APOD: variants seen among roughly 807,000 people sequenced by gnomAD.
APOD encodes apolipoprotein D.
In APOD, 22 loss-of-function variants were observed where a neutral mutation model predicts 20.4. The ratio of observed to expected loss-of-function variants is 1.08; its 90% CI spans 0.77 to 1.54. APOD has a LOEUF of 1.54. APOD is among the 40% of genes most tolerant of loss of function. APOD has a pLI of 0.00. For missense variants in APOD, 223 were observed against 229.6 expected, an observed-to-expected ratio of 0.97 and a Z score of 0.19; for synonymous variants, 97 against 92.4, an observed-to-expected ratio of 1.05 and a Z score of -0.29.
In APOD at chr3:195,579,470, T is replaced by C. The variant is rs1269538474; in HGVS notation, c.-9A>G. On this transcript the variant is annotated 5_prime_UTR_variant, in exon 2 of 5. Coordinates refer to ENST00000343267, the MANE Select transcript of APOD (RefSeq NM_001647.4). Reference sequence around the variant, plus strand: ...AGCAGCAGCATCACCATCTTGGGGCTGGGTGGCTGGAGAAGGGACCTGGAG... The same window carrying C: ...AGCAGCAGCATCACCATCTTGGGGCCGGGTGGCTGGAGAAGGGACCTGGAG... 6.2e-7 allele frequency: 1 copy of C among 1,611,896 alleles called. No homozygotes were observed. The highest frequency in any genetic ancestry group is 8.5e-7 in the Non-Finnish European group (1 of 1,179,986).
At chr3:195,579,612 C>T in intron 1 of APOD, 117 bp from the exon 2 acceptor site, 1 of 1,126,216 alleles carries the variant, frequency 8.9e-7, no homozygotes, top group Non-Finnish European at 1.3e-6. Context: ...CTCTTCTCTC[C>T]CCAGCCCATG....
chr3:195,569,501 T>C (rs1024296190), intron 4 of APOD, among the ~76,000 whole-genome samples: 1 of 152,124 alleles, frequency 6.6e-6, no homozygotes, highest in African/African-American at 2.4e-5. Flanking sequence ...CAAAAATCTG[T>C]CTCCCACCTC....
In APOD at chr3:195,568,807, T is replaced by C. The variant is rs1720101587; in HGVS notation, c.*93A>G. ...TACATGTTCAGGTCAACTTCCTTTG[T>C]CGTGGTTGATTGGTTTGTCTTTATG... On this transcript the variant is annotated 3_prime_UTR_variant, in exon 5 of 5. Coordinates refer to ENST00000343267, the MANE Select transcript of APOD (RefSeq NM_001647.4). 7.3e-6 allele frequency: 6 copies of C among 826,998 alleles called. No individual in the cohort carries two copies. The East Asian group carries it at 1.5e-4, about 21-fold the overall frequency. 51.2% of individuals were successfully genotyped at this position (826,998 alleles called of 1,614,324 possible). A position where few individuals can be genotyped will look rare whatever the true frequency, so the allele number is the denominator to read the frequency against.
intron 2 of APOD, chr3:195,577,178 C>G: frequency 3.0e-6 from 1 of 332,888 alleles, no homozygotes; most frequent in Non-Finnish European, 5.6e-6. Context: ...CAAAGTGAGA[C>G]TCCGTCTCAA....
intron 1 of APOD, among the ~76,000 whole-genome samples, chr3:195,583,426 G>A (rs527581052): frequency 5.3e-5 from 8 of 152,272 alleles, no homozygotes; most frequent in South Asian, 4.1e-4. Context: ...AACAAGACAC[G>A]TATCTCCCAA....
chr3:195,576,439 CA>C (rs1720248741), intron 2 of APOD, among the ~76,000 whole-genome samples: 1 of 152,166 alleles, frequency 6.6e-6, no homozygotes, highest in Non-Finnish European at 1.5e-5. Flanking sequence ...AAATCTAAAA[CA>C]GAGACAAAAC....
rs533967228 is a variant in APOD, at chr3:195,569,239, C to T, written c.335-104G>A. 28 of 932,182 alleles carry T rather than the reference C, an allele frequency of 3.0e-5. No individual in the cohort carries two copies. In the Middle Eastern group the frequency reaches 7.7e-4, roughly 26 times the overall value. The allele number at this position is 932,182 out of a possible 1,614,324, so 57.7% of individuals were successfully genotyped here. On this transcript the variant is annotated intron_variant, in intron 4 of 4. Transcript: ENST00000343267. ...GACAACCACCCACCAAGCCCCCCAC[C>T]TCTGATTTTGTTTATCAATCCAGAA...
intron 2 of APOD, among the ~76,000 whole-genome samples, chr3:195,578,256 G>A (rs1720278230): frequency 6.6e-6 from 1 of 151,984 alleles, no homozygotes; most frequent in Non-Finnish European, 1.5e-5. Context: ...TGAATAAAGG[G>A]ATCAGCCTGT....
At chr3:195,580,160 C>A (rs144020484) in intron 1 of APOD, among the ~76,000 whole-genome samples, 43 of 152,270 alleles carry the variant, frequency 2.8e-4, no homozygotes, top group Middle Eastern at 3.4e-3. Flanking sequence ...TATGCCTTAG[C>A]TTCTTTGTCT....
At chr3:195,581,429 C>T (rs1411866869) in intron 1 of APOD, among the ~76,000 whole-genome samples, 1 of 152,140 alleles carries the variant, frequency 6.6e-6, no homozygotes, top group African/African-American at 2.4e-5. Flanking sequence ...CTTAGTAGGC[C>T]CAAGCTGAAA....
At position 195,582,190 on chromosome 3, in the gene APOD, G is replaced by A. The variant is rs185943587; in HGVS notation, c.-35+1688C>T. 7.9e-5 allele frequency among the ~76,000 whole-genome samples: 12 copies of A among 151,992 alleles called. No homozygotes were observed. In the East Asian group the frequency reaches 1.2e-3, roughly 15 times the overall value. ...GCCTGGGCAACAAGAGCAAAACTCC[G>A]TCTCAAAACAAGCAAACAAACAACA... On this transcript the variant is annotated intron_variant, in intron 1 of 4. Coordinates refer to ENST00000343267, the MANE Select transcript of APOD (RefSeq NM_001647.4).
intron 2 of APOD, among the ~76,000 whole-genome samples, chr3:195,577,806 A>G (rs1280443402): frequency 6.6e-6 from 1 of 152,258 alleles, no homozygotes; most frequent in Non-Finnish European, 1.5e-5. Context: ...CAGTCACAAA[A>G]GACCACATAT....
intron 1 of APOD, among the ~76,000 whole-genome samples, chr3:195,581,290 G>A (rs1031642418): frequency 1.3e-5 from 2 of 152,084 alleles, no homozygotes; most frequent in Non-Finnish European, 2.9e-5. Context: ...CTGAGGTTCC[G>A]TTTCTCATCG....
chr3:195,569,422 A>G (rs113512628), intron 4 of APOD, among the ~76,000 whole-genome samples: 1,854 of 152,196 alleles, frequency 0.012, 40 homozygotes, highest in African/African-American at 0.043. Flanking sequence ...GTCATCACCC[A>G]TCTGCACATT....
chr3:195,578,957 C>T (rs1292535493), intron 2 of APOD, among the ~76,000 whole-genome samples: 1 of 152,208 alleles, frequency 6.6e-6, no homozygotes, highest in Admixed American at 6.5e-5. Flanking sequence ...CCAGGGGGCT[C>T]AGCTAGAGCC....
rs1553889310 is a variant in APOD, at chr3:195,568,837, G to GGGGGGGGGGGGT, written c.*62_*63insACCCCCCCCCCC. 1.0e-6 allele frequency: 1 copy of GGGGGGGGGGGGT among 958,524 alleles called. No individual in the cohort carries two copies. The highest frequency in any genetic ancestry group is 1.9e-5 in the African/African-American group (1 of 51,598). 59.4% of individuals were successfully genotyped at this position (958,524 alleles called of 1,614,324 possible). A position where few individuals can be genotyped will look rare whatever the true frequency, so the allele number is the denominator to read the frequency against. The stretch of plus-strand genomic sequence containing the variant: ...GTTGATTGGTTTGTCTTTATGGGGG[G>GGGGGGGGGGGGT]GGGGTAGGGGAAAGCGAAGCAGAAG... On this transcript the variant is annotated 3_prime_UTR_variant, in exon 5 of 5. Coordinates refer to ENST00000343267, the MANE Select transcript of APOD (RefSeq NM_001647.4).
intron 1 of APOD, among the ~76,000 whole-genome samples, chr3:195,580,942 T>C (rs1720328256): frequency 6.6e-6 from 1 of 152,212 alleles, no homozygotes; most frequent in Non-Finnish European, 1.5e-5. Flanking sequence ...TCCTTGTGAC[T>C]CCTTGCCTGT....
At position 195,578,554 on chromosome 3, in the gene APOD, C is replaced by A. The variant is rs547371589; in HGVS notation, c.123+785G>T. On this transcript the variant is annotated intron_variant, in intron 2 of 4. Coordinates refer to ENST00000343267, the MANE Select transcript of APOD (RefSeq NM_001647.4). The stretch of plus-strand genomic sequence containing the variant: ...GTGAGTCCTGTCCTCCAATAGCTGC[C>A]TCTTTCTGCCGCCCTCTTCCTTCCC... Among the ~76,000 whole-genome samples, 4 of 152,290 alleles carry A rather than the reference C, an allele frequency of 2.6e-5. No individual in the cohort carries two copies. The East Asian group carries it at 7.7e-4, about 29-fold the overall frequency.
chr3:195,579,273 A>C, intron 2 of APOD, 66 bp downstream of exon 2: 1 of 1,599,782 alleles, frequency 6.3e-7, no homozygotes, highest in Non-Finnish European at 8.5e-7. Context: ...GCATAATTAC[A>C]TTGAACCTTG....
Sources: gnomAD v4.1 joint callset for allele counts (sites outside exome capture counted in the v4.1 genomes callset) on GRCh38, gnomAD v4.1.1 for gene constraint, MANE v1.5 for transcripts, NCBI Gene and HGNC (gene_info 2026-07-23, HGNC 2026-07-21) for gene names.